Variants in PDE8B observed in about 807,000 individuals in gnomAD.
The protein encoded by PDE8B is high affinity cAMP-specific and IBMX-insensitive 3',5'-cyclic phosphodiesterase 8B.
Under a neutral mutation model 101.3 loss-of-function variants are expected in PDE8B, and 26 were observed. That is an observed-to-expected ratio of 0.26 (90% CI 0.19 to 0.36). The LOEUF (loss-of-function observed/expected upper bound fraction) is 0.36, where lower values mean the gene tolerates loss of function less well. Ranked by LOEUF, PDE8B falls within the 10% of genes least tolerant of loss-of-function variation. PDE8B has a pLI of 1.00. For synonymous variants in PDE8B, 424 were observed against 429.3 expected (o/e 0.99, Z 0.15); for missense variants, 810 against 1,163.1 (o/e 0.70, Z 4.42).
intron 1 of PDE8B, chr5:77,290,934 A>G (rs1173045642): frequency 6.2e-7 from 1 of 1,610,120 alleles, no homozygotes; most frequent in Non-Finnish European, 8.5e-7. Flanking sequence ...TTGTTCCTTG[A>G]CTTGTGGTGG....
At chr5:77,214,789 G>A (rs1033129139) in intron 1 of PDE8B, among the ~76,000 whole-genome samples, 5 of 152,076 alleles carry the variant, frequency 3.3e-5, no homozygotes, top group Non-Finnish European at 5.9e-5. Flanking sequence ...ATAGATTGCT[G>A]GACTCCACTC....
chr5:77,096,032 G>T, the PDE8B span, among the ~76,000 whole-genome samples: 11 of 151,832 alleles, frequency 7.2e-5, no homozygotes, highest in Admixed American at 3.9e-4. Context: ...ACTGTGTTGC[G>T]CAGGCTGGAG....
intron 1 of PDE8B, among the ~76,000 whole-genome samples, chr5:77,278,235 C>T (rs369971180): frequency 4.9e-4 from 75 of 152,328 alleles, no homozygotes; most frequent in African/African-American, 1.7e-3. Flanking sequence ...CAGTTCCATG[C>T]TCCTGTTAGG....
the PDE8B span, among the ~76,000 whole-genome samples, chr5:77,158,099 G>A: frequency 1.3e-5 from 2 of 152,350 alleles, no homozygotes; most frequent in East Asian, 1.9e-4. Flanking sequence ...CCTGGGTCAT[G>A]CAGCTAGTAA....
the PDE8B span, among the ~76,000 whole-genome samples, chr5:77,166,367 G>A: frequency 3.3e-5 from 5 of 152,142 alleles, no homozygotes; most frequent in Non-Finnish European, 1.5e-5. Context: ...AATGAGAAGG[G>A]CCTGAGGTCT....
chr5:77,311,802 C>CT (rs11413850), intron 1 of PDE8B, among the ~76,000 whole-genome samples, 192 bp from the exon 2 acceptor site: 91,186 of 151,064 alleles, frequency 0.6, 28,369 homozygotes, highest in East Asian at 0.88. Context: ...TAAATGGATA[C>CT]TTTTTTTTTA....
Position 77,337,321 on chromosome 5 carries a change from T to G in PDE8B, c.797+6T>G. On this transcript the variant is annotated splice_donor_region_variant and intron_variant, in intron 6 of 21. Transcript: ENST00000264917. ...CGCTCCCAGTTCAAATTACGGTATG[T>G]AGCAAAATGATACAGTAACATGAGG... The G allele has an allele frequency of 7.0e-7, 1 of 1,420,564 alleles. No homozygotes were observed. Among genetic ancestry groups the G allele is most frequent in the Non-Finnish European group, 9.9e-7 (1 of 1,006,670 alleles). 88.0% of individuals were successfully genotyped at this position (1,420,564 alleles called of 1,614,324 possible).
At chr5:77,417,471 C>T (rs335605) in intron 17 of PDE8B, among the ~76,000 whole-genome samples, 25,024 of 152,166 alleles carry the variant, frequency 0.16, 2,451 homozygotes, top group Non-Finnish European at 0.22. Context: ...TAATTGGTAC[C>T]TGGTAGGCAC....
the PDE8B span, among the ~76,000 whole-genome samples, chr5:77,137,976 GAAAGACCCTTTCTATTAGGTTGGTAC>G: frequency 1.3e-5 from 2 of 152,006 alleles, no homozygotes. Context: ...AAGGTAGCTG[GAAAGACCCTTTCTATTAGGTTGGTAC>G]AAAAGTAATT....
At position 77,225,544 on chromosome 5, in the gene PDE8B, TC is replaced by T. The variant is rs573629387; in HGVS notation, c.339+14283del. On this transcript the variant is annotated intron_variant, in intron 1 of 21. Coordinates refer to ENST00000264917, the MANE Select transcript of PDE8B (RefSeq NM_003719.5). Reference sequence around the variant, plus strand: ...TCTCTGATCTAGAATTAGTCTTTTCTCCCAGGAACCTAATTATTTTTATTGA... The same window carrying T: ...TCTCTGATCTAGAATTAGTCTTTTCTCCAGGAACCTAATTATTTTTATTGA... Among the ~76,000 whole-genome samples the T allele has an allele frequency of 5.0e-3, 767 of 152,280 alleles. 3 individuals are homozygous for T. The highest frequency in any genetic ancestry group is 8.6e-3 in the Non-Finnish European group (588 of 68,016).
At chr5:77,318,721 C>A (rs1244100784) in intron 2 of PDE8B, among the ~76,000 whole-genome samples, 4 of 152,116 alleles carry the variant, frequency 2.6e-5, no homozygotes, top group Admixed American at 6.5e-5. Flanking sequence ...AATGACCACT[C>A]CCCTGATCAA....
At chr5:77,223,221 A>C (rs1470174469) in intron 1 of PDE8B, among the ~76,000 whole-genome samples, 1 of 151,814 alleles carries the variant, frequency 6.6e-6, no homozygotes, top group Non-Finnish European at 1.5e-5. Context: ...GATAGTTTAC[A>C]TTCTTTCTTT....
chr5:77,116,468 CTGACCTCAAGTGATGCGCCCGCCT>C, the PDE8B span, among the ~76,000 whole-genome samples: 1 of 152,044 alleles, frequency 6.6e-6, no homozygotes, highest in Admixed American at 6.6e-5. Flanking sequence ...TCTTGAACTC[CTGACCTCAAGTGATGCGCCCGCCT>C]TGACCTCCCA....
At chr5:77,277,491 G>T (rs182188409) in intron 1 of PDE8B, among the ~76,000 whole-genome samples, 1 of 152,258 alleles carries the variant, frequency 6.6e-6, no homozygotes, top group Non-Finnish European at 1.5e-5. Context: ...AATATCATAG[G>T]CTTATTTGGT....
At chr5:77,359,316 G>A (rs548590761) in intron 10 of PDE8B, among the ~76,000 whole-genome samples, 62 of 152,302 alleles carry the variant, frequency 4.1e-4, no homozygotes, top group South Asian at 1.0e-3. Flanking sequence ...GGCTCTCTTG[G>A]CTTGCGAGGG....
chr5:77,410,235 C>T (rs1273643483), intron 14 of PDE8B, among the ~76,000 whole-genome samples: 1 of 152,260 alleles, frequency 6.6e-6, no homozygotes, highest in Non-Finnish European at 1.5e-5. Context: ...CGGGGCTACC[C>T]CATGGGCAGT....
At chr5:77,176,164 A>T in the PDE8B span, among the ~76,000 whole-genome samples, 1,372 of 152,248 alleles carry the variant, frequency 9.0e-3, 7 homozygotes, top group Middle Eastern at 0.044. Flanking sequence ...GTGACCAGAA[A>T]CCGACTAGCC....
intron 1 of PDE8B, among the ~76,000 whole-genome samples, chr5:77,288,504 G>C (rs1301447727): frequency 6.6e-6 from 1 of 151,972 alleles, no homozygotes; most frequent in East Asian, 1.9e-4. Context: ...TTGGAGAGTC[G>C]GCCCAAGAAA....
intron 1 of PDE8B, among the ~76,000 whole-genome samples, chr5:77,234,751 C>CG (rs1754330716): frequency 6.6e-6 from 1 of 152,174 alleles, no homozygotes; most frequent in South Asian, 2.1e-4. Flanking sequence ...AAATCCCTCC[C>CG]AGGGTAAATG....
Sources: allele counts gnomAD v4.1 joint callset (sites outside exome capture counted in the v4.1 genomes callset), GRCh38; gene constraint gnomAD v4.1.1; transcripts MANE v1.5; gene names NCBI Gene and HGNC (gene_info 2026-07-23, HGNC 2026-07-21).